Variants in NEIL3 observed in about 807,000 individuals in gnomAD.
NEIL3 encodes endonuclease 8-like 3.
NEIL3 carries 48 observed loss-of-function variants against 57.5 expected under a neutral mutation model. That is an observed-to-expected ratio of 0.83 (90% confidence interval 0.66 to 1.06). The LOEUF (loss-of-function observed/expected upper bound fraction) is 1.06. Among genes scored for constraint, NEIL3 ranks in the 50% least tolerant of loss-of-function variants. The pLI, the probability that NEIL3 is intolerant of heterozygous loss-of-function variation, is 0.00. For missense variants in NEIL3, 717 were observed against 739.1 expected, an observed-to-expected ratio of 0.97 and a Z score of 0.35; for synonymous variants, 261 against 253.2, an observed-to-expected ratio of 1.03 and a Z score of -0.29.
downstream of NEIL3, among the ~76,000 whole-genome samples, chr4:177,364,296 G>A (rs548149244): frequency 8.5e-5 from 13 of 152,222 alleles, no homozygotes; most frequent in East Asian, 3.9e-4. Flanking sequence ...CAAAAGCACC[G>A]CTGGAGAGTG....
chr4:177,358,701 C>T (rs1735540852), intron 8 of NEIL3, among the ~76,000 whole-genome samples: 1 of 152,138 alleles, frequency 6.6e-6, no homozygotes, highest in African/African-American at 2.4e-5. Flanking sequence ...CTCCTTTCTA[C>T]TTTAATCCTA....
chr4:177,365,578 C>T (rs146372582), downstream of NEIL3, among the ~76,000 whole-genome samples: 651 of 152,230 alleles, frequency 4.3e-3, 6 homozygotes, highest in African/African-American at 0.015. Flanking sequence ...ACTCTGACTG[C>T]AGTGTGGAGG....
intron 2 of NEIL3, among the ~76,000 whole-genome samples, chr4:177,328,618 T>G (rs982965170): frequency 6.6e-6 from 1 of 152,014 alleles, no homozygotes; most frequent in African/African-American, 2.4e-5. Context: ...AATAAAGACT[T>G]TTTCGAAAAA....
At chr4:177,330,700 G>A (rs1362277264) in intron 2 of NEIL3, among the ~76,000 whole-genome samples, 1 of 151,978 alleles carries the variant, frequency 6.6e-6, no homozygotes, top group Non-Finnish European at 1.5e-5. Flanking sequence ...TCCAATAGCT[G>A]CATTAACCAA....
intron 2 of NEIL3, among the ~76,000 whole-genome samples, chr4:177,323,465 A>C (rs954504239): frequency 8.5e-5 from 13 of 152,194 alleles, no homozygotes; most frequent in African/African-American, 3.1e-4. Context: ...CATCTCATCT[A>C]CCACATATTT....
In NEIL3 at chr4:177,341,573, G is replaced by A. The variant is rs766068665; in HGVS notation, c.800G>A (p.Gly267Glu). 15 of 1,613,538 alleles carry A rather than the reference G, an allele frequency of 9.3e-6. No individual in the cohort carries two copies. In the South Asian group the frequency reaches 1.6e-4, roughly 18 times the overall value. The change falls in exon 6 of 10, where the codon GGG becomes GAG. Residue 267 changes from glycine to glutamate, a missense_variant. By Grantham distance (98) the Gly-to-Glu change is moderately conservative. Coordinates refer to ENST00000264596, the MANE Select transcript of NEIL3 (RefSeq NM_018248.3). ...CHCRITVCRF[G>E]DNNRMTYFCP... The stretch of plus-strand genomic sequence containing the variant: ...TGCAGAATAACTGTGTGCCGCTTTG[G>A]GGACAATAACAGAATGACATATTTC...
At chr4:177,343,514 AG>A (rs1257987733) in intron 6 of NEIL3, 4 of 152,606 alleles carry the variant, frequency 2.6e-5, no homozygotes, top group Non-Finnish European at 5.9e-5. Context: ...TCATGTCTGT[AG>A]AGCTGGGGGC....
At chr4:177,353,247 T>C (rs1735396807) in intron 7 of NEIL3, 61 bp from the exon 8 acceptor site, 1 of 1,363,714 alleles carries the variant, frequency 7.3e-7, no homozygotes, top group Non-Finnish European at 1.0e-6. Flanking sequence ...AAAAGATGTT[T>C]CACATAATCA....
At chr4:177,339,477 A>G (rs1013679891) in intron 4 of NEIL3, among the ~76,000 whole-genome samples, 2 of 152,162 alleles carry the variant, frequency 1.3e-5, no homozygotes, top group African/African-American at 2.4e-5. Context: ...GAAGAATATC[A>G]TAAGGATTAT....
In NEIL3 at chr4:177,353,397, G is replaced by T; in HGVS notation, c.1129G>T (p.Val377Phe). The T allele has an allele frequency of 6.2e-7, 1 of 1,613,766 alleles. No individual in the cohort carries two copies. Among genetic ancestry groups the T allele is most frequent in the Non-Finnish European group, 8.5e-7 (1 of 1,179,826 alleles). Reference sequence around the variant, plus strand: ...TACTTTTGGAAAACCTCATACAGAAGTCAAGATCAACAGAAAAACTGCATT... The same window carrying T: ...TACTTTTGGAAAACCTCATACAGAATTCAAGATCAACAGAAAAACTGCATT... ...CNTFGKPHTE[V>F]KINRKTAFGT... The change falls in exon 8 of 10, where the codon GTC becomes TTC. Residue 377 changes from valine to phenylalanine, a missense_variant. Val to Phe is a conservative substitution (Grantham distance 50). Coordinates refer to ENST00000264596, the MANE Select transcript of NEIL3 (RefSeq NM_018248.3).
chr4:177,336,293 T>C lies in NEIL3; in HGVS notation c.599T>C (p.Phe200Ser), dbSNP rs367778438. ...VGNIIKNEAL[F>S]DSGLHPAVKV... is the part of the protein sequence containing the mutation. ...AACATCATCAAAAATGAAGCTCTCT[T>C]TGACAGTGGTCTCCACCCAGCTGTT... The change falls in exon 4 of 10, where the codon TTT becomes TCT. Residue 200 changes from phenylalanine (F) to serine (S), a missense_variant. Physicochemically the swap from Phe to Ser is radical, Grantham distance 155 (BLOSUM62 -2). Transcript: ENST00000264596. 6.2e-7 allele frequency: 1 copy of C among 1,614,036 alleles called. No individual in the cohort carries two copies. The highest frequency in any genetic ancestry group is 8.5e-7 in the Non-Finnish European group (1 of 1,179,998).
At position 177,309,959 on chromosome 4, in the gene NEIL3, G is replaced by A. The variant is rs752029942; in HGVS notation, c.6G>A (p.Val2=). The change falls in exon 1 of 10, where the codon GTG becomes GTA. Residue 2 remains valine, a synonymous_variant. Transcript: ENST00000264596. ...CCACAGTGCCGGCCACAGAGATGGT[G>A]GAAGGACCAGGCTGTACTCTGAATG... The part of the protein sequence containing the change: M[V]EGPGCTLNGE... The A allele has an allele frequency of 2.5e-6, 4 of 1,607,660 alleles. No individual in the cohort carries two copies. Among genetic ancestry groups the A allele is most frequent in the Non-Finnish European group, 3.4e-6 (4 of 1,177,484 alleles).
In NEIL3 at chr4:177,339,947, C is replaced by T. The variant is rs146599239; in HGVS notation, c.702+90C>T. 431 of 792,468 alleles carry T rather than the reference C, an allele frequency of 5.4e-4. 1 individual carries two copies. The highest frequency in any genetic ancestry group is 5.4e-4 in the Non-Finnish European group (245 of 455,594). 49.1% of individuals were successfully genotyped at this position (792,468 alleles called of 1,614,324 possible). On this transcript the variant is annotated intron_variant, in intron 5 of 9. Transcript: ENST00000264596. ...CAAAAAATGTGAAAGCTGTATATAGCCATCTAGTGGAAAGAGCATGGAGGT... is the reference window on the plus strand; with the variant it reads ...CAAAAAATGTGAAAGCTGTATATAGTCATCTAGTGGAAAGAGCATGGAGGT...
chr4:177,369,930 A>G, the NEIL3 span, among the ~76,000 whole-genome samples: 1 of 152,318 alleles, frequency 6.6e-6, no homozygotes, highest in East Asian at 1.9e-4. Flanking sequence ...TAGCCCTGCT[A>G]CTGTTATGTG....
chr4:177,330,054 G>T (rs1449783463), intron 2 of NEIL3, among the ~76,000 whole-genome samples: 1 of 152,128 alleles, frequency 6.6e-6, no homozygotes, highest in Non-Finnish European at 1.5e-5. Context: ...TGGGATTACA[G>T]ACGCCTGCTA....
Position 177,310,881 on chromosome 4 carries a change from A to G in NEIL3, c.156+772A>G, listed in dbSNP as rs374041597. ...CAATTTCTTCTGCAAAGCTTCTTATAGCCTTTGGTCCTGGAAGAAAAAGTT... is the reference window on the plus strand; with the variant it reads ...CAATTTCTTCTGCAAAGCTTCTTATGGCCTTTGGTCCTGGAAGAAAAAGTT... On this transcript the variant is annotated intron_variant, in intron 1 of 9. Transcript: ENST00000264596. 8.5e-5 allele frequency among the ~76,000 whole-genome samples: 13 copies of G among 152,362 alleles called. No homozygotes were observed. In the South Asian group the frequency reaches 2.7e-3, roughly 32 times the overall value.
intron 6 of NEIL3, 62 bp from the exon 7 acceptor site, chr4:177,351,318 A>G (rs1735346199): frequency 2.4e-6 from 3 of 1,237,156 alleles, no homozygotes; most frequent in African/African-American, 1.5e-5. Context: ...AATCATTTCT[A>G]AAATATCCAG....
chr4:177,341,301 A>G (rs1735085714), intron 5 of NEIL3, among the ~76,000 whole-genome samples, 175 bp from the exon 6 acceptor site: 1 of 152,210 alleles, frequency 6.6e-6, no homozygotes. Flanking sequence ...AAATATTACC[A>G]AATCTTGTCA....
chr4:177,322,628 G>A, intron 2 of NEIL3, 48 bp downstream of exon 2: 1 of 1,610,374 alleles, frequency 6.2e-7, no homozygotes, highest in South Asian at 1.1e-5. Flanking sequence ...ATTTAAAGAT[G>A]CGTAGAAGGC....
Sources: gnomAD v4.1 joint callset for allele counts (sites outside exome capture counted in the v4.1 genomes callset) on GRCh38, gnomAD v4.1.1 for gene constraint, MANE v1.5 for transcripts, NCBI Gene and HGNC (gene_info 2026-07-23, HGNC 2026-07-21) for gene names.